Variants in CALD1 observed in about 807,000 individuals in gnomAD.
The protein encoded by CALD1 is caldesmon.
CALD1 carries 33 observed loss-of-function variants against 99.9 expected under a neutral mutation model. That is an observed-to-expected ratio of 0.33 (90% CI 0.25 to 0.44). The LOEUF (loss-of-function observed/expected upper bound fraction) is 0.44. Ranked by LOEUF, CALD1 falls within the 20% of genes least tolerant of loss-of-function variation. CALD1 has a pLI of 1.00. For synonymous variants in CALD1, 310 were observed against 325.0 expected (o/e 0.95, Z 0.50); for missense variants, 861 against 962.1 (o/e 0.89, Z 1.39).
At chr7:134,926,214 C>T (rs1247380146) in intron 3 of CALD1, among the ~76,000 whole-genome samples, 1 of 152,196 alleles carries the variant, frequency 6.6e-6, no homozygotes, top group African/African-American at 2.4e-5. Flanking sequence ...TTTGCCACAA[C>T]ATATCTATCT....
intron 2 of CALD1, among the ~76,000 whole-genome samples, chr7:134,863,787 T>C (rs1800668934): frequency 6.6e-6 from 1 of 152,210 alleles, no homozygotes; most frequent in African/African-American, 2.4e-5. Flanking sequence ...ATAAATTGAT[T>C]TTAATAAATA....
intron 1 of CALD1, among the ~76,000 whole-genome samples, chr7:134,759,149 C>A (rs932241805): frequency 2.6e-5 from 4 of 152,204 alleles, no homozygotes; most frequent in Admixed American, 1.3e-4. Flanking sequence ...GTTAAACCTA[C>A]AGGCAATGCC....
At chr7:134,771,974 A>G (rs1466132684) in intron 1 of CALD1, among the ~76,000 whole-genome samples, 1 of 152,058 alleles carries the variant, frequency 6.6e-6, no homozygotes, top group Non-Finnish European at 1.5e-5. Context: ...GTGTTAACTA[A>G]TGTGTATATC....
At chr7:134,859,173 TTTCCA>T (rs1800453763) in intron 2 of CALD1, among the ~76,000 whole-genome samples, 3 of 152,236 alleles carry the variant, frequency 2.0e-5, no homozygotes, top group African/African-American at 7.2e-5. Flanking sequence ...GGGTCTACCC[TTTCCA>T]TGCACCCCCA....
chr7:134,887,724 A>T (rs1365714409), intron 3 of CALD1, among the ~76,000 whole-genome samples: 1 of 134,456 alleles, frequency 7.4e-6, no homozygotes, highest in African/African-American at 2.8e-5. Context: ...ATGCATGCGT[A>T]TATGTGTTTG....
intron 2 of CALD1, among the ~76,000 whole-genome samples, chr7:134,849,971 C>T (rs1000484371): frequency 6.6e-6 from 1 of 152,160 alleles, no homozygotes; most frequent in Non-Finnish European, 1.5e-5. Context: ...GATTTAGCAT[C>T]GTGTCTAAAG....
At chr7:134,733,669 C>T in the CALD1 span, among the ~76,000 whole-genome samples, 1 of 151,648 alleles carries the variant, frequency 6.6e-6, no homozygotes, top group African/African-American at 2.4e-5. Context: ...ATTAGCCGGG[C>T]GTGGTGGTGG....
chr7:134,879,312 T>C (rs997754029), intron 3 of CALD1, among the ~76,000 whole-genome samples: 2 of 152,264 alleles, frequency 1.3e-5, no homozygotes, highest in African/African-American at 2.4e-5. Context: ...AGGAATCATG[T>C]GCATATTTTG....
chr7:134,737,743 C>T, the CALD1 span, among the ~76,000 whole-genome samples: 3 of 152,048 alleles, frequency 2.0e-5, no homozygotes, highest in Non-Finnish European at 4.4e-5. Context: ...GAGCTCATTT[C>T]GTGTGGGCTT....
At chr7:134,924,891 G>C (rs541207236) in intron 3 of CALD1, among the ~76,000 whole-genome samples, 175 of 152,110 alleles carry the variant, frequency 1.2e-3, no homozygotes, top group Non-Finnish European at 2.1e-3. Context: ...TTTTATAAGG[G>C]GGGGCTCTTC....
chr7:134,844,496 C>T (rs1271682763), intron 2 of CALD1, among the ~76,000 whole-genome samples: 2 of 152,142 alleles, frequency 1.3e-5, no homozygotes, highest in Non-Finnish European at 2.9e-5. Flanking sequence ...GATGGAGAAA[C>T]CAAAGGGCAT....
chr7:134,850,723 C>A (rs536623793), intron 2 of CALD1, among the ~76,000 whole-genome samples: 166 of 152,298 alleles, frequency 1.1e-3, no homozygotes, highest in African/African-American at 3.7e-3. Context: ...TGCTGCCCTG[C>A]AAATGTGCTT....
intron 1 of CALD1, among the ~76,000 whole-genome samples, chr7:134,789,369 G>A (rs1200340033): frequency 6.6e-6 from 1 of 152,146 alleles, no homozygotes; most frequent in African/African-American, 2.4e-5. Context: ...GCTGCCTCTT[G>A]CTAGTTACTC....
intron 1 of CALD1, among the ~76,000 whole-genome samples, chr7:134,771,138 C>T (rs111461712): frequency 6.6e-6 from 1 of 152,124 alleles, no homozygotes; most frequent in African/African-American, 2.4e-5. Flanking sequence ...GGTGTTAGCT[C>T]CCACATCTCC....
chr7:134,967,664 C>G (rs1808778246), intron 14 of CALD1, among the ~76,000 whole-genome samples: 1 of 152,122 alleles, frequency 6.6e-6, no homozygotes, highest in South Asian at 2.1e-4. Flanking sequence ...TCGCATGTGC[C>G]TGTTCTGGAA....
intron 6 of CALD1, among the ~76,000 whole-genome samples, chr7:134,937,719 C>A (rs1340416083): frequency 6.6e-6 from 1 of 151,470 alleles, no homozygotes; most frequent in African/African-American, 2.4e-5. Flanking sequence ...GATAGGGCAA[C>A]CACAAGTAAA....
intron 2 of CALD1, among the ~76,000 whole-genome samples, chr7:134,848,368 C>T (rs540695261): frequency 6.6e-6 from 1 of 152,278 alleles, no homozygotes; most frequent in South Asian, 2.1e-4. Context: ...ATATTCACGC[C>T]AATGTGGTAC....
chr7:134,960,460 T>C, intron 12 of CALD1, 73 bp from the exon 13 acceptor site: 1 of 875,576 alleles, frequency 1.1e-6, no homozygotes, highest in Non-Finnish European at 1.9e-6. Context: ...ATATTTTGAA[T>C]TTGCTTTGAA....
chr7:134,928,428 CAAAAAAAAAAAAAAAAA>C (rs11355152), intron 3 of CALD1, among the ~76,000 whole-genome samples: 1 of 55,650 alleles, frequency 1.8e-5, no homozygotes, highest in African/African-American at 7.3e-5. Flanking sequence ...GACTGGGTCT[CAAAAAAAAAAAAAAAAA>C]AAAAAAAAAA....
Sources: allele counts gnomAD v4.1 joint callset (sites outside exome capture counted in the v4.1 genomes callset), GRCh38; gene constraint gnomAD v4.1.1; transcripts MANE v1.5; gene names NCBI Gene and HGNC (gene_info 2026-07-23, HGNC 2026-07-21).